NUBPL: variants seen among roughly 807,000 people sequenced by gnomAD.
The protein encoded by NUBPL is iron-sulfur cluster transfer protein NUBPL.
Under a neutral mutation model 45.7 loss-of-function variants are expected in NUBPL, and 31 were observed. The observed-to-expected ratio is 0.68, with a 90% CI of 0.51 to 0.92. The LOEUF is 0.92. NUBPL is among the 40% of genes least tolerant of loss of function. The pLI is 0.00. For synonymous variants in NUBPL, 144 were observed against 140.9 expected, an observed-to-expected ratio of 1.02 and a Z score of -0.15; for missense variants, 401 against 398.7, an observed-to-expected ratio of 1.01 and a Z score of -0.05.
At chr14:31,746,798 G>A (rs1048797752) in intron 6 of NUBPL, among the ~76,000 whole-genome samples, 1 of 151,834 alleles carries the variant, frequency 6.6e-6, no homozygotes, top group African/African-American at 2.4e-5. Context: ...GGCCGAGCAT[G>A]GTGGCTAACA....
At chr14:31,722,369 C>T (rs2037829608) in intron 6 of NUBPL, among the ~76,000 whole-genome samples, 1 of 152,096 alleles carries the variant, frequency 6.6e-6, no homozygotes, top group African/African-American at 2.4e-5. Context: ...GATTCCATGT[C>T]TTTGCTATTG....
chr14:31,800,455 C>A (rs2039565737), intron 7 of NUBPL, among the ~76,000 whole-genome samples: 1 of 152,042 alleles, frequency 6.6e-6, no homozygotes, highest in African/African-American at 2.4e-5. Flanking sequence ...ACAGATATAA[C>A]CTTAATGAAA....
At chr14:31,742,327 T>C (rs1332254349) in intron 6 of NUBPL, among the ~76,000 whole-genome samples, 3 of 151,466 alleles carry the variant, frequency 2.0e-5, no homozygotes, top group Admixed American at 6.6e-5. Context: ...CTTCTTATCT[T>C]TGTCTTTTAT....
chr14:31,808,198 A>G (rs1055447184), intron 7 of NUBPL, among the ~76,000 whole-genome samples: 7 of 152,312 alleles, frequency 4.6e-5, no homozygotes, highest in African/African-American at 1.4e-4. Flanking sequence ...CATTGAATCT[A>G]TAAATTCCCT....
intron 3 of NUBPL, among the ~76,000 whole-genome samples, chr14:31,574,440 A>T (rs567379956): frequency 3.3e-5 from 5 of 151,330 alleles, no homozygotes; most frequent in Non-Finnish European, 5.9e-5. Context: ...AATTTTTTGT[A>T]GTTTTTTAGA....
Position 31,783,905 on chromosome 14 carries a change from G to A in NUBPL, c.514-3875G>A, listed in dbSNP as rs185471332. Among the ~76,000 whole-genome samples the A allele has an allele frequency of 1.2e-4, 18 of 152,268 alleles. No homozygotes were observed. In the East Asian group the frequency reaches 3.5e-3, roughly 29 times the overall value. On this transcript the variant is annotated intron_variant, in intron 6 of 10. Transcript: ENST00000281081. ...CAGGGAAAAACAATGATAAATTATTGGCACCAGTCATTTGATGTTCTCTGA... is the reference window on the plus strand; with the variant it reads ...CAGGGAAAAACAATGATAAATTATTAGCACCAGTCATTTGATGTTCTCTGA...
intron 8 of NUBPL, among the ~76,000 whole-genome samples, chr14:31,842,024 A>G (rs1421495437): frequency 7.4e-6 from 1 of 134,326 alleles, no homozygotes; most frequent in African/African-American, 2.9e-5. Flanking sequence ...TCTGCCTCCC[A>G]GGTTCACGCC....
chr14:31,803,829 A>T (rs1169795054), intron 7 of NUBPL, among the ~76,000 whole-genome samples: 1 of 152,256 alleles, frequency 6.6e-6, no homozygotes, highest in African/African-American at 2.4e-5. Flanking sequence ...ATTCAGTTTG[A>T]AACTTCAGCC....
At chr14:31,827,301 A>G (rs1377441670) in intron 8 of NUBPL, among the ~76,000 whole-genome samples, 1 of 152,024 alleles carries the variant, frequency 6.6e-6, no homozygotes, top group Non-Finnish European at 1.5e-5. Flanking sequence ...CTAGCAGCCA[A>G]AGGAAAAGAA....
chr14:31,629,756 C>T (rs1027404160), intron 4 of NUBPL, among the ~76,000 whole-genome samples: 1 of 151,972 alleles, frequency 6.6e-6, no homozygotes, highest in African/African-American at 2.4e-5. Context: ...TGATATATGC[C>T]GAGGTACAAA....
At chr14:31,840,182 A>G (rs2040346006) in intron 8 of NUBPL, among the ~76,000 whole-genome samples, 1 of 152,236 alleles carries the variant, frequency 6.6e-6, no homozygotes, top group Admixed American at 6.5e-5. Context: ...TATTCACAAT[A>G]GCCAAGATAT....
intron 6 of NUBPL, among the ~76,000 whole-genome samples, chr14:31,689,700 G>T (rs955329369): frequency 1.3e-5 from 2 of 152,058 alleles, no homozygotes; most frequent in Non-Finnish European, 2.9e-5. Context: ...CTTTTGTTGC[G>T]ATTGCTGTTG....
At chr14:31,588,396 C>T (rs1280479576) in intron 3 of NUBPL, among the ~76,000 whole-genome samples, 2 of 145,728 alleles carry the variant, frequency 1.4e-5, no homozygotes, top group Non-Finnish European at 1.5e-5. Flanking sequence ...CACAAAAATC[C>T]TATAAATTAG....
intron 6 of NUBPL, among the ~76,000 whole-genome samples, chr14:31,703,753 G>A (rs527672054): frequency 1.4e-4 from 22 of 152,272 alleles, no homozygotes; most frequent in Non-Finnish European, 2.1e-4. Context: ...AGATTTGGGC[G>A]GGGACACAGA....
chr14:31,851,981 A>G (rs74805252), intron 10 of NUBPL, among the ~76,000 whole-genome samples: 15,032 of 152,290 alleles, frequency 0.099, 940 homozygotes, highest in Non-Finnish European at 0.14. Flanking sequence ...TATAGCCACC[A>G]TCCAAAGATA....
intron 8 of NUBPL, among the ~76,000 whole-genome samples, chr14:31,829,280 C>A (rs2040153422): frequency 6.6e-6 from 1 of 151,234 alleles, no homozygotes; most frequent in African/African-American, 2.4e-5. Context: ...TTTTTCCACC[C>A]TACATTTAAA....
chr14:31,736,899 G>T (rs1265040257), intron 6 of NUBPL, among the ~76,000 whole-genome samples: 1 of 152,034 alleles, frequency 6.6e-6, no homozygotes, highest in East Asian at 1.9e-4. Context: ...GGTGTGTTTT[G>T]GTATCTCTTT....
intron 7 of NUBPL, among the ~76,000 whole-genome samples, chr14:31,822,651 A>T (rs1025221478): frequency 1.1e-4 from 17 of 152,138 alleles, no homozygotes; most frequent in African/African-American, 4.1e-4. Flanking sequence ...ATCATTAATT[A>T]AGAACATATA....
At chr14:31,740,496 GTTGT>G (rs2038260208) in intron 6 of NUBPL, among the ~76,000 whole-genome samples, 1 of 152,120 alleles carries the variant, frequency 6.6e-6, no homozygotes, top group East Asian at 1.9e-4. Context: ...TTTAAATTGG[GTTGT>G]TTGTTTTCTT....
Sources: gnomAD v4.1 joint callset for allele counts (sites outside exome capture counted in the v4.1 genomes callset) on GRCh38, gnomAD v4.1.1 for gene constraint, MANE v1.5 for transcripts, NCBI Gene and HGNC (gene_info 2026-07-23, HGNC 2026-07-21) for gene names.